The following ZMAT4 variants were observed in gnomAD, a reference collection of about 807,000 sequenced individuals.
ZMAT4 encodes zinc finger matrin-type 4.
ZMAT4 carries 17 observed loss-of-function variants against 28.7 expected under a neutral mutation model. That is an observed-to-expected ratio of 0.59 (90% CI 0.41 to 0.89). The LOEUF is 0.89. Ranked by LOEUF, ZMAT4 falls within the 40% of genes least tolerant of loss-of-function variation. ZMAT4 has a pLI of 0.00. For synonymous variants in ZMAT4, 117 were observed against 109.2 expected (o/e 1.07, Z -0.44); for missense variants, 240 against 283.8 (o/e 0.85, Z 1.11).
At chr8:40,690,999 A>T (rs1001373512) in intron 4 of ZMAT4, 2 of 870,082 alleles carry the variant, frequency 2.3e-6, no homozygotes, top group East Asian at 2.4e-4. Context: ...CTTTGTTGCT[A>T]CCAATCCACT....
intron 1 of ZMAT4, among the ~76,000 whole-genome samples, chr8:40,851,094 C>T (rs7015850): frequency 0.035 from 5,311 of 152,104 alleles, 273 homozygotes; most frequent in African/African-American, 0.11. Context: ...TGGGAGACCG[C>T]GGTAGGCAGA....
intron 5 of ZMAT4, among the ~76,000 whole-genome samples, chr8:40,670,642 G>T (rs1563401092): frequency 6.6e-6 from 1 of 152,158 alleles, no homozygotes; most frequent in African/African-American, 2.4e-5. Flanking sequence ...CAAAGAATGT[G>T]AATCCATAAT....
chr8:40,815,280 A>AAAAAT (rs1815484973), intron 2 of ZMAT4, among the ~76,000 whole-genome samples: 1 of 152,198 alleles, frequency 6.6e-6, no homozygotes, highest in East Asian at 1.9e-4. Context: ...ATCCAAAAAT[A>AAAAAT]AAAATAAAAT....
At chr8:40,860,256 C>G (rs924306856) in intron 1 of ZMAT4, among the ~76,000 whole-genome samples, 1 of 151,994 alleles carries the variant, frequency 6.6e-6, no homozygotes. Context: ...GAGGTTGGGA[C>G]CACGAGATGA....
At position 40,560,216 on chromosome 8, in the gene ZMAT4, T is replaced by TAA. The variant is rs397777968; in HGVS notation, c.674+20947_674+20948dup. Among the ~76,000 whole-genome samples, 79 of 148,708 alleles carry TAA rather than the reference T, an allele frequency of 5.3e-4. No homozygotes were observed. In the South Asian group the frequency reaches 0.016, roughly 31 times the overall value. On this transcript the variant is annotated intron_variant, in intron 6 of 6. Coordinates refer to ENST00000297737, the MANE Select transcript of ZMAT4 (RefSeq NM_024645.3). ...CAAACTTTATATATATATATATATA[T>TAA]AAAATTTGACCAAGGGAAATTGTAC...
chr8:40,811,899 G>A (rs1586094668), intron 2 of ZMAT4, among the ~76,000 whole-genome samples: 1 of 152,300 alleles, frequency 6.6e-6, no homozygotes, highest in East Asian at 1.9e-4. Flanking sequence ...GGGAGGCTGA[G>A]CTGGGCAGAT....
chr8:40,615,714 C>T (rs79929897), intron 5 of ZMAT4, among the ~76,000 whole-genome samples: 8 of 152,200 alleles, frequency 5.3e-5, no homozygotes, highest in African/African-American at 1.2e-4. Flanking sequence ...TCCAGTTGAT[C>T]GAATCGGATA....
At chr8:40,563,507 AG>A (rs2118478437) in intron 6 of ZMAT4, among the ~76,000 whole-genome samples, 1 of 152,302 alleles carries the variant, frequency 6.6e-6, no homozygotes, top group East Asian at 1.9e-4. Context: ...GGAACATGCT[AG>A]GAAACCATAA....
intron 1 of ZMAT4, among the ~76,000 whole-genome samples, chr8:40,876,266 C>G (rs894960622): frequency 2.0e-5 from 3 of 152,158 alleles, no homozygotes; most frequent in African/African-American, 7.2e-5. Context: ...ATGATAATCC[C>G]TTCACTTAAT....
intron 5 of ZMAT4, among the ~76,000 whole-genome samples, chr8:40,582,490 A>G (rs889420605): frequency 6.8e-6 from 1 of 147,444 alleles, no homozygotes; most frequent in African/African-American, 2.6e-5. Context: ...CCTTGTCTCA[A>G]AAAAAAAAAG....
At chr8:40,550,743 T>G (rs1344812553) in intron 6 of ZMAT4, among the ~76,000 whole-genome samples, 4 of 152,150 alleles carry the variant, frequency 2.6e-5, no homozygotes, top group Non-Finnish European at 5.9e-5. Context: ...CCACCATGAT[T>G]GTAAGTTTCC....
At chr8:40,609,473 T>G (rs976099436) in intron 5 of ZMAT4, among the ~76,000 whole-genome samples, 43 of 152,164 alleles carry the variant, frequency 2.8e-4, no homozygotes, top group African/African-American at 1.0e-3. Flanking sequence ...TCCTGAGGGC[T>G]GGCAGTATGT....
intron 4 of ZMAT4, among the ~76,000 whole-genome samples, chr8:40,676,432 T>C (rs1162138616): frequency 6.6e-6 from 1 of 152,128 alleles, no homozygotes; most frequent in African/African-American, 2.4e-5. Context: ...CCTGTGTGTG[T>C]TCTTGGTCTC....
At chr8:40,628,498 C>T (rs1806456789) in intron 5 of ZMAT4, among the ~76,000 whole-genome samples, 1 of 152,142 alleles carries the variant, frequency 6.6e-6, no homozygotes, top group Admixed American at 6.5e-5. Context: ...GCTAATAACA[C>T]AATGAAAATA....
intron 6 of ZMAT4, among the ~76,000 whole-genome samples, chr8:40,534,568 G>A (rs10097938): frequency 0.012 from 1,895 of 151,640 alleles, 41 homozygotes; most frequent in African/African-American, 0.041. Context: ...TTTCAATTGC[G>A]CCATATACAT....
intron 2 of ZMAT4, among the ~76,000 whole-genome samples, chr8:40,785,480 A>G (rs576951565): frequency 2.6e-5 from 4 of 152,346 alleles, no homozygotes; most frequent in East Asian, 3.9e-4. Flanking sequence ...TACCTCTGGT[A>G]TATTAATTAG....
In ZMAT4 at chr8:40,586,224, G is replaced by T. The variant is rs548843558; in HGVS notation, c.578-4963C>A. ...AATCCTAATTACTTTGGTATTATAT[G>T]AGTCTTCTTTTCCTTAGAGAACCAG... On this transcript the variant is annotated intron_variant, in intron 5 of 6. Transcript: ENST00000297737. Among the ~76,000 whole-genome samples, 5 of 152,260 alleles carry T rather than the reference G, an allele frequency of 3.3e-5. No individual in the cohort carries two copies. The South Asian group carries it at 1.0e-3, about 31-fold the overall frequency.
At chr8:40,576,722 A>G (rs1224404871) in intron 6 of ZMAT4, among the ~76,000 whole-genome samples, 1 of 152,236 alleles carries the variant, frequency 6.6e-6, no homozygotes, top group African/African-American at 2.4e-5. Context: ...ATGTGAAAGT[A>G]TCTCACTGGT....
intron 1 of ZMAT4, among the ~76,000 whole-genome samples, chr8:40,873,559 T>C (rs1021841837): frequency 2.0e-5 from 3 of 152,136 alleles, no homozygotes; most frequent in Non-Finnish European, 4.4e-5. Context: ...GTGACCTTAC[T>C]AGGCAAGATG....
Sources: allele counts gnomAD v4.1 joint callset (sites outside exome capture counted in the v4.1 genomes callset), GRCh38; gene constraint gnomAD v4.1.1; transcripts MANE v1.5; gene names NCBI Gene and HGNC (gene_info 2026-07-23, HGNC 2026-07-21).